VIPR2: variants seen among roughly 807,000 people sequenced by gnomAD.
VIPR2 encodes the protein vasoactive intestinal polypeptide receptor 2.
VIPR2 carries 48 observed loss-of-function variants against 58.0 expected under a neutral mutation model. That is an observed-to-expected ratio of 0.83 (90% CI 0.66 to 1.05). The LOEUF (loss-of-function observed/expected upper bound fraction) is 1.05, where lower values mean the gene tolerates loss of function less well. Ranked by LOEUF, VIPR2 falls within the 50% of genes least tolerant of loss-of-function variation. The probability of loss-of-function intolerance (pLI) is 0.00; values close to 1 mark genes in which losing one functional copy is unlikely to be tolerated. For missense variants in VIPR2, 534 were observed against 558.0 expected, an observed-to-expected ratio of 0.96 and a Z score of 0.43; for synonymous variants, 243 against 235.2, an observed-to-expected ratio of 1.03 and a Z score of -0.30.
In VIPR2 at chr7:159,102,746, G is replaced by C. The variant is rs551496489; in HGVS notation, c.357+1011C>G. ...CAGGCGGAGCAGGGTCAGGGCAGGAGGTGATCGGCCCACAAGCTGATGGTT... is the reference window on the plus strand; with the variant it reads ...CAGGCGGAGCAGGGTCAGGGCAGGACGTGATCGGCCCACAAGCTGATGGTT... On this transcript the variant is annotated intron_variant, in intron 4 of 12. Transcript: ENST00000262178. Among the ~76,000 whole-genome samples the C allele has an allele frequency of 1.6e-4, 25 of 152,342 alleles. No homozygotes were observed. The South Asian group carries it at 5.0e-3, about 30-fold the overall frequency.
chr7:159,086,984 ACT>A (rs1396286234), intron 4 of VIPR2, among the ~76,000 whole-genome samples: 1 of 152,176 alleles, frequency 6.6e-6, no homozygotes, highest in Non-Finnish European at 1.5e-5. Context: ...AGAAAACCAC[ACT>A]CTGCCAGGAT....
intron 2 of VIPR2, among the ~76,000 whole-genome samples, chr7:159,134,306 T>G (rs1219937919): frequency 6.6e-6 from 1 of 152,156 alleles, no homozygotes; most frequent in Non-Finnish European, 1.5e-5. Flanking sequence ...TGAATTAACA[T>G]GTGTAATTAA....
intron 3 of VIPR2, among the ~76,000 whole-genome samples, chr7:159,104,521 G>A (rs1432193051): frequency 7.8e-6 from 1 of 128,096 alleles, no homozygotes; most frequent in South Asian, 2.4e-4. Context: ...ACCTCCTCCT[G>A]GCAGCACCCT....
At chr7:159,140,305 C>T (rs529594437) in intron 2 of VIPR2, among the ~76,000 whole-genome samples, 99 of 152,316 alleles carry the variant, frequency 6.5e-4, no homozygotes, top group African/African-American at 2.3e-3. Flanking sequence ...CTCGTGGAGT[C>T]ACTCAGCCCA....
At chr7:159,139,920 G>A (rs1469312981) in intron 2 of VIPR2, among the ~76,000 whole-genome samples, 1 of 152,262 alleles carries the variant, frequency 6.6e-6, no homozygotes, top group Non-Finnish European at 1.5e-5. Context: ...TCTGAGGCCG[G>A]GAGTGCCTCA....
At chr7:159,078,755 C>T (rs916233629) in intron 4 of VIPR2, among the ~76,000 whole-genome samples, 4 of 152,152 alleles carry the variant, frequency 2.6e-5, no homozygotes, top group East Asian at 1.9e-4. Flanking sequence ...ATAAGTAACT[C>T]GGGAAAAATG....
chr7:159,077,037 G>A (rs2129494777), intron 4 of VIPR2, among the ~76,000 whole-genome samples: 1 of 152,250 alleles, frequency 6.6e-6, no homozygotes, highest in African/African-American at 2.4e-5. Context: ...TAACCCCTTT[G>A]GTTATCACCA....
intron 2 of VIPR2, among the ~76,000 whole-genome samples, chr7:159,121,654 A>G (rs1013703727): frequency 2.6e-5 from 4 of 152,188 alleles, no homozygotes; most frequent in Non-Finnish European, 5.9e-5. Flanking sequence ...ATCATTTTTA[A>G]TGGCTGTATA....
At chr7:159,108,321 A>T (rs1795851730) in intron 3 of VIPR2, among the ~76,000 whole-genome samples, 1 of 152,236 alleles carries the variant, frequency 6.6e-6, no homozygotes, top group African/African-American at 2.4e-5. Context: ...GATGAATTCC[A>T]TGCGGACATT....
chr7:159,056,796 T>C (rs535159523), intron 5 of VIPR2, among the ~76,000 whole-genome samples: 37 of 152,296 alleles, frequency 2.4e-4, no homozygotes, highest in South Asian at 1.7e-3. Context: ...GACTTTAGAA[T>C]TGACAGACTC....
intron 4 of VIPR2, among the ~76,000 whole-genome samples, chr7:159,064,169 G>A (rs1201877875): frequency 6.6e-6 from 1 of 152,074 alleles, no homozygotes; most frequent in Non-Finnish European, 1.5e-5. Context: ...GAAAGGAGGC[G>A]ATGCGGCTGC....
intron 4 of VIPR2, among the ~76,000 whole-genome samples, chr7:159,064,097 C>T (rs1285165059): frequency 6.0e-5 from 9 of 149,412 alleles, no homozygotes; most frequent in Admixed American, 1.3e-4. Flanking sequence ...ATGACAAAAA[C>T]GCCTCTCATG....
At chr7:159,038,612 G>A (rs543563475) in intron 6 of VIPR2, among the ~76,000 whole-genome samples, 40 of 152,092 alleles carry the variant, frequency 2.6e-4, no homozygotes, top group Admixed American at 1.2e-3. Context: ...TGAGATTCTG[G>A]GAGTTAGTCA....
chr7:159,136,841 T>A (rs926527081), intron 2 of VIPR2, among the ~76,000 whole-genome samples: 1 of 152,084 alleles, frequency 6.6e-6, no homozygotes, highest in African/African-American at 2.4e-5. Context: ...TGTGGCCATG[T>A]GGAGAAGCAG....
At chr7:159,037,990 A>ATAC (rs1854078642) in intron 6 of VIPR2, among the ~76,000 whole-genome samples, 1 of 152,246 alleles carries the variant, frequency 6.6e-6, no homozygotes, top group Non-Finnish European at 1.5e-5. Flanking sequence ...ATGGGTGGAT[A>ATAC]TACTACCTAC....
chr7:159,141,344 G>A (rs548993873), intron 2 of VIPR2, among the ~76,000 whole-genome samples: 1 of 152,398 alleles, frequency 6.6e-6, no homozygotes, highest in South Asian at 2.1e-4. Context: ...ACAGCCGGAA[G>A]AAGCCTCGGA....
At chr7:159,115,883 C>T (rs1313239733) in intron 2 of VIPR2, among the ~76,000 whole-genome samples, 4 of 152,264 alleles carry the variant, frequency 2.6e-5, no homozygotes, top group African/African-American at 9.6e-5. Context: ...AAGTCAGCTT[C>T]CTGGGGCCAC....
At chr7:159,104,124 C>A (rs1191487774) in intron 3 of VIPR2, among the ~76,000 whole-genome samples, 2 of 152,192 alleles carry the variant, frequency 1.3e-5, no homozygotes, top group Non-Finnish European at 2.9e-5. Flanking sequence ...AAGTGTAGTT[C>A]TTTTGGGGCA....
intron 4 of VIPR2, among the ~76,000 whole-genome samples, chr7:159,066,340 T>C (rs1273498652): frequency 6.9e-6 from 1 of 145,354 alleles, no homozygotes; most frequent in African/African-American, 2.6e-5. Flanking sequence ...CCACAACGTC[T>C]GTGGGATTCC....
Sources: gnomAD v4.1 joint callset for allele counts (sites outside exome capture counted in the v4.1 genomes callset) on GRCh38, gnomAD v4.1.1 for gene constraint, MANE v1.5 for transcripts, NCBI Gene and HGNC (gene_info 2026-07-23, HGNC 2026-07-21) for gene names.